Variants in NELL1 observed in about 807,000 individuals in gnomAD.
The protein encoded by NELL1 is neural EGFL like 1.
In NELL1, 76 loss-of-function variants were observed where a neutral mutation model predicts 107.4. That is an observed-to-expected ratio of 0.71 (90% confidence interval 0.59 to 0.86). The LOEUF (loss-of-function observed/expected upper bound fraction) is 0.86, where lower values mean the gene tolerates loss of function less well. Among genes scored for constraint, NELL1 ranks in the 40% least tolerant of loss-of-function variants. NELL1 has a pLI of 0.00. For synonymous variants in NELL1, 353 were observed against 341.2 expected, an observed-to-expected ratio of 1.03 and a Z score of -0.38; for missense variants, 1,024 against 1,005.5, an observed-to-expected ratio of 1.02 and a Z score of -0.25.
At chr11:21,201,976 C>A (rs899710862) in intron 13 of NELL1, among the ~76,000 whole-genome samples, 1 of 152,154 alleles carries the variant, frequency 6.6e-6, no homozygotes, top group Non-Finnish European at 1.5e-5. Context: ...AGGGGTGAAG[C>A]CGACTTGATC....
chr11:20,854,737 G>A (rs1848851219), intron 4 of NELL1, among the ~76,000 whole-genome samples: 1 of 152,092 alleles, frequency 6.6e-6, no homozygotes, highest in African/African-American at 2.4e-5. Flanking sequence ...AGGCTTTTCT[G>A]GCCATGGAGG....
intron 3 of NELL1, among the ~76,000 whole-genome samples, chr11:20,821,428 A>G (rs1018335): frequency 0.66 from 100,925 of 151,982 alleles, 34,312 homozygotes; most frequent in Non-Finnish European, 0.75. Flanking sequence ...GAAGGTGTGG[A>G]TGTATTCATT....
At chr11:20,689,066 T>C (rs1365827133) in intron 2 of NELL1, among the ~76,000 whole-genome samples, 1 of 152,116 alleles carries the variant, frequency 6.6e-6, no homozygotes, top group Non-Finnish European at 1.5e-5. Flanking sequence ...TTATATGTCT[T>C]CTTTCTTCTT....
intron 5 of NELL1, among the ~76,000 whole-genome samples, chr11:20,889,386 A>G (rs577432551): frequency 2.0e-5 from 3 of 152,376 alleles, no homozygotes; most frequent in South Asian, 4.1e-4. Context: ...AGTATATACC[A>G]AGCTTAATTG....
chr11:21,053,068 C>T lies in NELL1; in HGVS notation c.1301-60521C>T, dbSNP rs1050730127. Among the ~76,000 whole-genome samples the T allele has an allele frequency of 5.3e-5, 8 of 152,214 alleles. No homozygotes were observed. The East Asian group carries it at 1.4e-3, about 26-fold the overall frequency. On this transcript the variant is annotated intron_variant, in intron 12 of 19. Transcript: ENST00000357134. ...TGGAGCCCATTTGCAGGAGGGCTCC[C>T]GTCCCAACCTGAACAGTGGGTAAAG...
At chr11:21,460,866 G>A (rs1173547823) in intron 15 of NELL1, among the ~76,000 whole-genome samples, 5 of 152,058 alleles carry the variant, frequency 3.3e-5, no homozygotes, top group African/African-American at 9.7e-5. Flanking sequence ...ATAGGTGAAC[G>A]AGATAAATCA....
rs1857606050 is a variant in NELL1, at chr11:20,815,536, T to C, written c.335+31706T>C. ...TTTTGGCTTGTTGATTTAAGTCCCT[T>C]GTAGATTGTAGTTATTAGACCATTG... On this transcript the variant is annotated intron_variant, in intron 3 of 19. Transcript: ENST00000357134. Among the ~76,000 whole-genome samples, 3 of 152,214 alleles carry C rather than the reference T, an allele frequency of 2.0e-5. No individual in the cohort carries two copies. In the South Asian group the frequency reaches 6.2e-4, roughly 32 times the overall value.
At chr11:20,962,057 T>C (rs1851302366) in intron 12 of NELL1, among the ~76,000 whole-genome samples, 1 of 152,014 alleles carries the variant, frequency 6.6e-6, no homozygotes, top group African/African-American at 2.4e-5. Flanking sequence ...TTTGTCTTCT[T>C]ATTTTTCACT....
intron 1 of NELL1, among the ~76,000 whole-genome samples, chr11:20,672,468 A>C (rs1402778999): frequency 6.6e-6 from 1 of 152,234 alleles, no homozygotes; most frequent in Non-Finnish European, 1.5e-5. Flanking sequence ...ATATGAAAAG[A>C]TCTAATGATA....
rs543167620 is a variant in NELL1 at position 21,272,074 on chromosome 11, G to A, written c.1549+42620G>A. Among the ~76,000 whole-genome samples the A allele has an allele frequency of 1.2e-4, 18 of 152,314 alleles. No individual in the cohort carries two copies. The South Asian group carries it at 3.1e-3, about 26-fold the overall frequency. On this transcript the variant is annotated intron_variant, in intron 14 of 19. Coordinates refer to ENST00000357134, the MANE Select transcript of NELL1 (RefSeq NM_006157.5). Reference sequence around the variant, plus strand: ...GTGGGTGCAGGACAGTGGGTGCAGTGCACCGAGCATGAGCCGAAGCAGGGC... The same window carrying A: ...GTGGGTGCAGGACAGTGGGTGCAGTACACCGAGCATGAGCCGAAGCAGGGC...
At chr11:21,117,133 C>T (rs1855255976) in intron 13 of NELL1, among the ~76,000 whole-genome samples, 1 of 151,864 alleles carries the variant, frequency 6.6e-6, no homozygotes, top group African/African-American at 2.4e-5. Flanking sequence ...TCTTTTTCCT[C>T]TTGATATTTG....
chr11:21,083,776 A>G (rs867125676), intron 12 of NELL1, among the ~76,000 whole-genome samples: 33 of 152,322 alleles, frequency 2.2e-4, no homozygotes, highest in African/African-American at 7.5e-4. Context: ...CTTGGGTCTT[A>G]TTACTGTCCC....
intron 9 of NELL1, among the ~76,000 whole-genome samples, chr11:20,929,974 A>C: frequency 7.4e-6 from 1 of 135,626 alleles, no homozygotes; most frequent in Non-Finnish European, 1.5e-5. Flanking sequence ...TGTCTCAAAA[A>C]AAAAAAAGAA....
chr11:21,146,274 C>G (rs1335010874), intron 13 of NELL1, among the ~76,000 whole-genome samples: 1 of 142,834 alleles, frequency 7.0e-6, no homozygotes, highest in Non-Finnish European at 1.5e-5. Flanking sequence ...AAAAAATGAC[C>G]AATGATAAAG....
chr11:20,882,436 C>T (rs954656759), intron 4 of NELL1, among the ~76,000 whole-genome samples: 6 of 152,132 alleles, frequency 3.9e-5, no homozygotes, highest in South Asian at 2.1e-4. Context: ...GTTAATATAA[C>T]TTTAAGCTCA....
intron 11 of NELL1, among the ~76,000 whole-genome samples, chr11:20,951,389 C>A (rs1851065908): frequency 6.6e-6 from 1 of 152,092 alleles, no homozygotes; most frequent in Non-Finnish European, 1.5e-5. Flanking sequence ...ATGGAAGATA[C>A]AGGCTACATC....
chr11:20,785,190 C>T (rs1179912469), intron 3 of NELL1, among the ~76,000 whole-genome samples: 2 of 152,168 alleles, frequency 1.3e-5, no homozygotes, highest in East Asian at 3.9e-4. Context: ...AACAGAGGCT[C>T]TTTCTATGCA....
chr11:21,487,430 G>A (rs565868301), intron 15 of NELL1, among the ~76,000 whole-genome samples: 2 of 151,702 alleles, frequency 1.3e-5, no homozygotes, highest in Non-Finnish European at 2.9e-5. Flanking sequence ...ACCACAAGAT[G>A]AGCCCTACTA....
chr11:21,180,443 C>T (rs1190334988), intron 13 of NELL1, among the ~76,000 whole-genome samples: 1 of 151,762 alleles, frequency 6.6e-6, no homozygotes, highest in Non-Finnish European at 1.5e-5. Context: ...CAGAGATTCT[C>T]TTTTGGCCTG....
Sources: allele counts gnomAD v4.1 joint callset (sites outside exome capture counted in the v4.1 genomes callset), GRCh38; gene constraint gnomAD v4.1.1; transcripts MANE v1.5; gene names NCBI Gene and HGNC (gene_info 2026-07-23, HGNC 2026-07-21).